Variants in OSBPL6 observed in about 807,000 individuals in gnomAD.
OSBPL6 encodes oxysterol binding protein like 6.
Under a neutral mutation model 125.8 loss-of-function variants are expected in OSBPL6, and 49 were observed. That is an observed-to-expected ratio of 0.39 (90% CI 0.31 to 0.49). OSBPL6 has a LOEUF of 0.49. OSBPL6 is among the 20% of genes least tolerant of loss of function. OSBPL6 has a pLI of 0.88. For synonymous variants in OSBPL6, 394 were observed against 391.8 expected, an observed-to-expected ratio of 1.01 and a Z score of -0.07; for missense variants, 986 against 1,135.4, an observed-to-expected ratio of 0.87 and a Z score of 1.89.
intron 1 of OSBPL6, among the ~76,000 whole-genome samples, chr2:178,203,126 C>T (rs1421421725): frequency 6.6e-6 from 1 of 152,046 alleles, no homozygotes; most frequent in African/African-American, 2.4e-5. Flanking sequence ...TTTTAAAGTT[C>T]TCTTTTCTCT....
intron 12 of OSBPL6, among the ~76,000 whole-genome samples, 189 bp from the exon 13 acceptor site, chr2:178,361,493 A>G (rs1692352172): frequency 6.6e-6 from 1 of 152,192 alleles, no homozygotes; most frequent in Non-Finnish European, 1.5e-5. Context: ...ATCAATTGCC[A>G]TTGTAATATT....
intron 1 of OSBPL6, among the ~76,000 whole-genome samples, chr2:178,240,878 A>G (rs922338103): frequency 6.6e-6 from 1 of 152,194 alleles, no homozygotes; most frequent in Admixed American, 6.5e-5. Flanking sequence ...CCAGGGGCCT[A>G]TTCATAGTTC....
intron 1 of OSBPL6, among the ~76,000 whole-genome samples, chr2:178,259,774 T>G (rs2091999392): frequency 6.6e-6 from 1 of 152,226 alleles, no homozygotes; most frequent in Non-Finnish European, 1.5e-5. Context: ...CAGTTTCTAT[T>G]CCAAAGAAAG....
At chr2:178,342,843 A>T (rs905182169) in intron 11 of OSBPL6, among the ~76,000 whole-genome samples, 7 of 152,230 alleles carry the variant, frequency 4.6e-5, no homozygotes, top group African/African-American at 1.7e-4. Context: ...GAAAGTACAT[A>T]GTAGCAGACA....
intron 12 of OSBPL6, among the ~76,000 whole-genome samples, chr2:178,350,506 C>T (rs772487276): frequency 6.6e-6 from 1 of 152,156 alleles, no homozygotes; most frequent in Non-Finnish European, 1.5e-5. Flanking sequence ...GTTGAATCAG[C>T]CAACATTTGC....
chr2:178,206,909 C>T (rs1314555522), intron 1 of OSBPL6, among the ~76,000 whole-genome samples: 1 of 151,920 alleles, frequency 6.6e-6, no homozygotes, highest in African/African-American at 2.4e-5. Flanking sequence ...GCCACCACAC[C>T]CAGCCTGTTG....
chr2:178,377,110 T>C (rs1693946365), intron 15 of OSBPL6, among the ~76,000 whole-genome samples: 1 of 152,150 alleles, frequency 6.6e-6, no homozygotes, highest in South Asian at 2.1e-4. Context: ...CACATTGCCA[T>C]AAGGAAATAC....
At chr2:178,390,221 A>G (rs1419729488) in intron 21 of OSBPL6, among the ~76,000 whole-genome samples, 1 of 152,254 alleles carries the variant, frequency 6.6e-6, no homozygotes, top group Non-Finnish European at 1.5e-5. Flanking sequence ...ACTTTTTATA[A>G]CAAAGCCTGT....
intron 1 of OSBPL6, among the ~76,000 whole-genome samples, chr2:178,206,205 A>G (rs1196911106): frequency 6.6e-6 from 1 of 152,220 alleles, no homozygotes; most frequent in Non-Finnish European, 1.5e-5. Flanking sequence ...GTAGAATGAA[A>G]CAAAAAAGAC....
chr2:178,233,322 A>G (rs1220571675), intron 1 of OSBPL6, among the ~76,000 whole-genome samples: 2 of 152,218 alleles, frequency 1.3e-5, no homozygotes, highest in African/African-American at 2.4e-5. Flanking sequence ...CCAATGCTGA[A>G]TATCTAATTC....
chr2:178,216,375 A>G (rs982809354), intron 1 of OSBPL6, among the ~76,000 whole-genome samples: 1 of 152,238 alleles, frequency 6.6e-6, no homozygotes, highest in African/African-American at 2.4e-5. Context: ...GGCAAGTATG[A>G]AAGACTCTCA....
At chr2:178,299,720 A>T (rs1181233255) in intron 2 of OSBPL6, among the ~76,000 whole-genome samples, 1 of 152,252 alleles carries the variant, frequency 6.6e-6, no homozygotes, top group African/African-American at 2.4e-5. Flanking sequence ...GTGTTTTACA[A>T]TATTTAGTTC....
chr2:178,288,158 C>G lies in OSBPL6; in HGVS notation c.-156+3037C>G, dbSNP rs536889119. ...GAATAGCAAGCAGGAATTGGCAATG[C>G]AGACACCATTTCACCTGCCCTGTTT... On this transcript the variant is annotated intron_variant, in intron 2 of 24. Coordinates refer to ENST00000190611, the MANE Select transcript of OSBPL6 (RefSeq NM_032523.4). Among the ~76,000 whole-genome samples, 3 of 152,240 alleles carry G rather than the reference C, an allele frequency of 2.0e-5. No individual in the cohort carries two copies. In the East Asian group the frequency reaches 5.8e-4, roughly 29 times the overall value.
chr2:178,287,210 C>T (rs1468437093), intron 2 of OSBPL6, among the ~76,000 whole-genome samples: 2 of 150,970 alleles, frequency 1.3e-5, no homozygotes, highest in Middle Eastern at 3.2e-3. Context: ...CAGATATTTT[C>T]CCATAATGCA....
At chr2:178,281,719 T>G (rs334631) in intron 1 of OSBPL6, among the ~76,000 whole-genome samples, 54,078 of 151,072 alleles carry the variant, frequency 0.36, 9,890 homozygotes, top group African/African-American at 0.41. Context: ...AAACACTGCA[T>G]GTTCTCACTT....
intron 5 of OSBPL6, among the ~76,000 whole-genome samples, chr2:178,330,688 A>G (rs531365584): frequency 6.6e-6 from 1 of 152,204 alleles, no homozygotes; most frequent in Non-Finnish European, 1.5e-5. Context: ...AAGAGGTCCC[A>G]AATCACATAA....
chr2:178,385,054 G>C (rs908230059), intron 18 of OSBPL6, among the ~76,000 whole-genome samples: 7 of 152,228 alleles, frequency 4.6e-5, no homozygotes, highest in African/African-American at 1.7e-4. Flanking sequence ...ATGCACACAG[G>C]GAGGAGAACA....
intron 1 of OSBPL6, among the ~76,000 whole-genome samples, chr2:178,211,223 T>C (rs1341937390): frequency 6.6e-6 from 1 of 152,198 alleles, no homozygotes; most frequent in Admixed American, 6.5e-5. Context: ...TTAGCTATCA[T>C]TGTACCACCA....
Position 178,369,051 on chromosome 2 carries a change from TC to T in OSBPL6, c.1288-3074del, listed in dbSNP as rs1274796919. Among the ~76,000 whole-genome samples, 7 of 152,192 alleles carry T rather than the reference TC, an allele frequency of 4.6e-5. 1 individual carries two copies. The highest frequency in any genetic ancestry group is 1.7e-4 in the African/African-American group (7 of 41,544). On this transcript the variant is annotated intron_variant, in intron 13 of 24. Transcript: ENST00000190611. ...ACCTCAAGTGATCCATCTGCCTTGG[TC>T]TCCCAAAGTGCTGAGGTTACAGACA...
Sources: allele counts gnomAD v4.1 joint callset (sites outside exome capture counted in the v4.1 genomes callset), GRCh38; gene constraint gnomAD v4.1.1; transcripts MANE v1.5; gene names NCBI Gene and HGNC (gene_info 2026-07-23, HGNC 2026-07-21).